Variants in ALDH3A1 observed in about 807,000 individuals in gnomAD.
ALDH3A1 encodes the protein aldehyde dehydrogenase, dimeric NADP-preferring.
In ALDH3A1, 46 loss-of-function variants were observed where a neutral mutation model predicts 49.9. The ratio of observed to expected loss-of-function variants is 0.92; its 90% CI spans 0.73 to 1.18. ALDH3A1 has a LOEUF of 1.18. Ranked by LOEUF, ALDH3A1 falls within the 50% of genes most tolerant of loss-of-function variation. ALDH3A1 has a pLI of 0.00. For synonymous variants in ALDH3A1, 269 were observed against 253.3 expected (o/e 1.06, Z -0.59); for missense variants, 592 against 611.8 (o/e 0.97, Z 0.34).
At chr17:19,739,156 C>T (rs1370264444) in intron 8 of ALDH3A1, 61 bp from the exon 9 acceptor site, 4 of 1,464,754 alleles carry the variant, frequency 2.7e-6, no homozygotes, top group African/African-American at 1.4e-5. Context: ...CAGCCCCCAA[C>T]CCGACCCTGC....
chr17:19,738,067 T>G lies in ALDH3A1; in HGVS notation c.*154A>C, dbSNP rs1321986576. On this transcript the variant is annotated 3_prime_UTR_variant, in exon 11 of 11. Transcript: ENST00000225740. ...TGGAATGGTGAGGCCTGGGCCCATG[T>G]GGGAGTGGGGTGTGCACAGGTCAGC... 1 of 1,559,226 alleles carries G rather than the reference T, an allele frequency of 6.4e-7. No homozygotes were observed.
chr17:19,744,586 G>T, intron 2 of ALDH3A1: 3 of 985,310 alleles, frequency 3.0e-6, no homozygotes, highest in Non-Finnish European at 3.6e-6. Context: ...AACTGGGAGG[G>T]AGGGGAGAGC....
Position 19,739,644 on chromosome 17 carries a change from T to G in ALDH3A1, c.980A>C (p.Gln327Pro). ...GATCTCCTCTTGCATCACCGGGGAC[T>G]GGGGGTCCACGTCCGTGAGGATGGT... ...APTILTDVDP[Q>P]SPVMQEEIFG... Residue 327 changes from glutamine (Q) to proline (P), a missense_variant, in exon 8 of 11, where the codon CAG (glutamine) becomes CCG (proline). Coordinates refer to ENST00000225740, the MANE Select transcript of ALDH3A1 (RefSeq NM_000691.5). 3.7e-6 allele frequency: 6 copies of G among 1,613,828 alleles called. No homozygotes were observed. In the South Asian group the frequency reaches 5.5e-5, roughly 15 times the overall value.
chr17:19,744,915 GC>G, intron 2 of ALDH3A1, 52 bp downstream of exon 2: 1 of 387,428 alleles, frequency 2.6e-6, no homozygotes, highest in Non-Finnish European at 3.5e-6. Flanking sequence ...CTCCCCCCAC[GC>G]CCCATCGCAT....
At chr17:19,741,322 A>C in intron 5 of ALDH3A1, 112 bp from the exon 6 acceptor site, 3 of 866,930 alleles carry the variant, frequency 3.5e-6, no homozygotes. Flanking sequence ...TGACCTTGCC[A>C]CCAGTGAGTC....
chr17:19,743,288 G>A lies in ALDH3A1; in HGVS notation c.338C>T (p.Thr113Ile), dbSNP rs1431208483. The change falls in exon 3 of 11, where the codon ACC (threonine) becomes ATC (isoleucine). Residue 113 changes from threonine (T) to isoleucine (I), a missense_variant. By Grantham distance (89) the Thr-to-Ile change is moderately conservative. Transcript: ENST00000225740. This position sits in a 1 kb window ranked among gnomAD's most constrained non-coding sequence, Gnocchi z 4.4. ...EPLGVVLVIG[T>I]WNYPFNLTIQ... Reference sequence around the variant, plus strand: ...GGTGAGGTTGAAGGGGTAGTTCCAGGTGCCAATGACGAGGACCACGCCCAG... The same window carrying A: ...GGTGAGGTTGAAGGGGTAGTTCCAGATGCCAATGACGAGGACCACGCCCAG... 6.2e-7 allele frequency: 1 copy of A among 1,614,102 alleles called. No homozygotes were observed. Among genetic ancestry groups the A allele is most frequent in the African/African-American group, 1.3e-5 (1 of 75,044 alleles).
intron 1 of ALDH3A1, chr17:19,745,732 T>C (rs1317067729): frequency 6.6e-6 from 1 of 152,170 alleles, no homozygotes; most frequent in Non-Finnish European, 1.5e-5. Context: ...CAAAGAGGTG[T>C]GGAGGCGATT....
At chr17:19,742,652 G>A (rs1472931082) in intron 3 of ALDH3A1, 22 bp from the exon 4 acceptor site, 1 of 1,613,774 alleles carries the variant, frequency 6.2e-7, no homozygotes, top group Non-Finnish European at 8.5e-7. Context: ...ACCGAGCCAG[G>A]CCTATGCCCA....
At chr17:19,745,295 C>T (rs2086581322) in intron 1 of ALDH3A1, 161 bp from the exon 2 acceptor site, 6 of 724,990 alleles carry the variant, frequency 8.3e-6, no homozygotes, top group Non-Finnish European at 1.0e-5. Context: ...TCTCCCGCCC[C>T]TCACTCAGAC....
chr17:19,745,437 C>T, intron 1 of ALDH3A1: 1 of 366,714 alleles, frequency 2.7e-6, no homozygotes. Context: ...TTTTCCGCTC[C>T]CTTACTTGCT....
chr17:19,739,851 G>C (rs2086458641), intron 7 of ALDH3A1, among the ~76,000 whole-genome samples, 177 bp from the exon 8 acceptor site: 1 of 152,190 alleles, frequency 6.6e-6, no homozygotes, highest in African/African-American at 2.4e-5. Flanking sequence ...GATGCCATCT[G>C]AGCAGACCAC....
rs2086513026 is a variant in ALDH3A1, at chr17:19,742,402, AG to A, written c.480+142del. 38 of 1,110,554 alleles carry A rather than the reference AG, an allele frequency of 3.4e-5. No homozygotes were observed. In the South Asian group the frequency reaches 5.1e-4, roughly 15 times the overall value. The allele number at this position is 1,110,554 out of a possible 1,614,324, so 68.8% of individuals were successfully genotyped here. ...GGGGCTCTGTTCACCCCAATGAGAG[AG>A]GGCAGCTGCTAAGAACAATCCTCAG... On this transcript the variant is annotated intron_variant, in intron 4 of 10. Coordinates refer to ENST00000225740, the MANE Select transcript of ALDH3A1 (RefSeq NM_000691.5).
At chr17:19,742,493 C>G in intron 4 of ALDH3A1, 52 bp downstream of exon 4, 1 of 1,574,766 alleles carries the variant, frequency 6.4e-7, no homozygotes, top group Non-Finnish European at 8.7e-7. Flanking sequence ...AAGACCTGGC[C>G]CTAGCTCAGT....
rs142030321 is a variant in ALDH3A1, at chr17:19,744,475, C to T, written c.162+493G>A. On this transcript the variant is annotated intron_variant, in intron 2 of 10. Transcript: ENST00000225740. The stretch of plus-strand genomic sequence containing the variant: ...GGGTAGTCGGTGGGAGGATGGGCTC[C>T]GGAGCGCTGGACCCCAGGCAGCATG... 521 of 985,332 alleles carry T rather than the reference C, an allele frequency of 5.3e-4. 1 individual carries two copies. The African/African-American group carries it at 7.6e-3, about 14-fold the overall frequency. The allele number at this position is 985,332 out of a possible 1,614,324, so 61.0% of individuals were successfully genotyped here.
rs772414920 is a variant in ALDH3A1, at chr17:19,739,059, C to T, written c.1153G>A (p.Gly385Arg). ...KKMIAETSSG[G>R]VAANDVIVHI... Reference sequence around the variant, plus strand: ...ACGATGACATCGTTGGCCGCCACCCCACCACTGGATGTCTCTGCAATCATC... The same window carrying T: ...ACGATGACATCGTTGGCCGCCACCCTACCACTGGATGTCTCTGCAATCATC... The change falls in exon 9 of 11, where the codon GGG (glycine) becomes AGG (arginine). Residue 385 changes from glycine (G) to arginine (R), a missense_variant. Transcript: ENST00000225740. The T allele has an allele frequency of 1.2e-6, 2 of 1,613,862 alleles. No individual in the cohort carries two copies. Among genetic ancestry groups the T allele is most frequent in the East Asian group, 4.5e-5 (2 of 44,864 alleles).
Position 19,743,851 on chromosome 17 carries a change from G to C in ALDH3A1, c.163-388C>G. On this transcript the variant is annotated intron_variant, in intron 2 of 10. Transcript: ENST00000225740. This position sits in a 1 kb window ranked among gnomAD's most constrained non-coding sequence, Gnocchi z 4.4. The stretch of plus-strand genomic sequence containing the variant: ...GAGGGGGGATAGATTCGGGCACTGG[G>C]AGCTGGATCCGGGCAGGGTGGAGGG... 2 of 984,504 alleles carry C rather than the reference G, an allele frequency of 2.0e-6. No individual in the cohort carries two copies. Among genetic ancestry groups the C allele is most frequent in the African/African-American group, 1.7e-5 (1 of 57,204 alleles). 61.0% of individuals were successfully genotyped at this position (984,504 alleles called of 1,614,324 possible). A position where few individuals can be genotyped will look rare whatever the true frequency, so the allele number is the denominator to read the frequency against.
chr17:19,738,566 C>T, intron 9 of ALDH3A1, 113 bp from the exon 10 acceptor site: 1 of 1,447,536 alleles, frequency 6.9e-7, no homozygotes, highest in Non-Finnish European at 9.4e-7. Context: ...GAGGCAGAGC[C>T]CCAGCCACCA....
In ALDH3A1 at chr17:19,741,953, C is replaced by T. The variant is rs2086499618; in HGVS notation, c.689+51G>A. The T allele has an allele frequency of 3.8e-6, 6 of 1,572,180 alleles. No individual in the cohort carries two copies. In the South Asian group the frequency reaches 5.6e-5, roughly 15 times the overall value. On this transcript the variant is annotated intron_variant, in intron 5 of 10. Coordinates refer to ENST00000225740, the MANE Select transcript of ALDH3A1 (RefSeq NM_000691.5). ...ACAGCATGAGGTGCAGTCATGTGTG[C>T]TTGGAAAGCAGAGTAAGGACTGCTG...
intron 2 of ALDH3A1, chr17:19,744,290 C>G (rs2086557110): frequency 1.5e-6 from 1 of 665,510 alleles, no homozygotes; most frequent in Non-Finnish European, 1.9e-6. Context: ...GTTGTCCCAG[C>G]TACTGGGGAG....
Sources: allele counts gnomAD v4.1 joint callset (sites outside exome capture counted in the v4.1 genomes callset), GRCh38; gene constraint gnomAD v4.1.1; non-coding constraint Gnocchi (gnomAD v3.1); transcripts MANE v1.5; gene names NCBI Gene and HGNC (gene_info 2026-07-23, HGNC 2026-07-21).